Variants in KPNA6 observed in about 807,000 individuals in gnomAD.
KPNA6 encodes karyopherin subunit alpha 6.
A neutral mutation model predicts 72.0 loss-of-function variants in KPNA6; 9 were observed. The observed-to-expected ratio is 0.13, with a 90% confidence interval of 0.08 to 0.22. The LOEUF (loss-of-function observed/expected upper bound fraction) is 0.22. Among genes scored for constraint, KPNA6 ranks in the 10% least tolerant of loss-of-function variants. KPNA6 has a pLI of 1.00. For missense variants in KPNA6, 374 were observed against 655.7 expected, an observed-to-expected ratio of 0.57 and a Z score of 4.69; for synonymous variants, 219 against 242.1, an observed-to-expected ratio of 0.90 and a Z score of 0.89.
intron 1 of KPNA6, among the ~76,000 whole-genome samples, chr1:32,113,792 CAAG>C (rs1240694916): frequency 8.5e-5 from 13 of 152,144 alleles, no homozygotes; most frequent in Admixed American, 8.5e-4. Context: ...GATTCCATCT[CAAG>C]AAACCATTTG....
At chr1:32,169,830 C>T in intron 12 of KPNA6, 52 bp from the exon 13 acceptor site, 2 of 1,515,034 alleles carry the variant, frequency 1.3e-6, no homozygotes, top group Admixed American at 1.8e-5. Flanking sequence ...ACCTGCCCAG[C>T]ACTTCATGTG....
rs745752593 is a variant in KPNA6, at chr1:32,108,072, G to A, written c.-59G>A. On this transcript the variant is annotated 5_prime_UTR_variant, in exon 1 of 14. Coordinates refer to ENST00000373625, the MANE Select transcript of KPNA6 (RefSeq NM_012316.5). ...AGATCCGCCATATTGTCTACTGAAA[G>A]CTGCCGCTGAAGCTGCCGCCGTTGC... 7.7e-4 allele frequency: 1,244 copies of A among 1,613,304 alleles called. No individual in the cohort carries two copies. The highest frequency in any genetic ancestry group is 9.8e-4 in the Non-Finnish European group (1,152 of 1,179,584).
intron 1 of KPNA6, among the ~76,000 whole-genome samples, chr1:32,117,494 A>ATTTT (rs1641349450): frequency 1.3e-5 from 2 of 149,922 alleles, no homozygotes; most frequent in African/African-American, 5.0e-5. Flanking sequence ...TTTTTTTTAA[A>ATTTT]AAAAACACAC....
intron 10 of KPNA6, 70 bp from the exon 11 acceptor site, chr1:32,166,035 A>G: frequency 1.4e-6 from 2 of 1,466,782 alleles, no homozygotes; most frequent in Non-Finnish European, 1.8e-6. Flanking sequence ...AACAACAACA[A>G]CAAAAAAACA....
chr1:32,143,652 A>G (rs535481375), intron 1 of KPNA6, among the ~76,000 whole-genome samples: 1 of 152,228 alleles, frequency 6.6e-6, no homozygotes, highest in East Asian at 1.9e-4. Context: ...AGTGTACAAT[A>G]CAGTGGCATT....
chr1:32,118,652 C>T (rs886380213), intron 1 of KPNA6, among the ~76,000 whole-genome samples: 5 of 151,560 alleles, frequency 3.3e-5, no homozygotes, highest in Non-Finnish European at 5.9e-5. Flanking sequence ...ATTAGTTGGG[C>T]GTGGTGGGAT....
In KPNA6 at chr1:32,159,392, A is replaced by C. The variant is rs926792135; in HGVS notation, c.427-8A>C. 22 of 1,613,378 alleles carry C rather than the reference A, an allele frequency of 1.4e-5. No homozygotes were observed. In the East Asian group the frequency reaches 4.5e-4, roughly 33 times the overall value. ...GACCTTTCAATCATTGCTTAATCTC[A>C]CTTTCAGTTTGAAGCTGCCTGGGCT... is the stretch of plus-strand genomic sequence containing the variant. On this transcript the variant is annotated splice_region_variant and splice_polypyrimidine_tract_variant and intron_variant, in intron 5 of 13. Coordinates refer to ENST00000373625, the MANE Select transcript of KPNA6 (RefSeq NM_012316.5).
chr1:32,155,730 A>G (rs917071362), intron 2 of KPNA6, among the ~76,000 whole-genome samples: 3 of 145,822 alleles, frequency 2.1e-5, no homozygotes, highest in African/African-American at 5.1e-5. Context: ...TTATTTATTT[A>G]TTTATTTATT....
intron 1 of KPNA6, among the ~76,000 whole-genome samples, chr1:32,135,683 G>T (rs1260301300): frequency 6.8e-6 from 1 of 147,648 alleles, no homozygotes; most frequent in Non-Finnish European, 1.5e-5. Flanking sequence ...GCCCAGACTA[G>T]TCTTGACCTC....
rs988305372 is a variant in KPNA6 at position 32,174,855 on chromosome 1, G to T, written c.*3961G>T. On this transcript the variant is annotated 3_prime_UTR_variant, in exon 14 of 14. Transcript: ENST00000373625. ...ATAGAACTACCCTAGAATTTAGTGA[G>T]TGTGAGACTGAGATATTGCTCAGAA... The T allele has an allele frequency of 6.6e-6, 1 of 152,234 alleles. No homozygotes were observed. The highest frequency in any genetic ancestry group is 1.5e-5 in the Non-Finnish European group (1 of 68,044). 9.4% of individuals were successfully genotyped at this position (152,234 alleles called of 1,614,324 possible). A position where few individuals can be genotyped will look rare whatever the true frequency, so the allele number is the denominator to read the frequency against.
At position 32,162,512 on chromosome 1, in the gene KPNA6, T is replaced by C; in HGVS notation, c.899T>C (p.Val300Ala). The C allele has an allele frequency of 1.2e-6, 2 of 1,613,830 alleles. No homozygotes were observed. Among genetic ancestry groups the C allele is most frequent in the Non-Finnish European group, 1.7e-6 (2 of 1,180,006 alleles). The change falls in exon 9 of 14, where the codon GTA becomes GCA. Residue 300 changes from valine to alanine, a missense_variant. Val to Ala is a moderately conservative substitution (Grantham distance 64, BLOSUM62 0). Coordinates refer to ENST00000373625, the MANE Select transcript of KPNA6 (RefSeq NM_012316.5). ...VIDSGVCRRL[V>A]ELLMHNDYKV... Reference sequence around the variant, plus strand: ...GACTCCGGAGTCTGCCGGAGATTGGTAGAGCTGCTGATGTGAGTGGTCTTA... The same window carrying C: ...GACTCCGGAGTCTGCCGGAGATTGGCAGAGCTGCTGATGTGAGTGGTCTTA...
rs71006334 is a variant in KPNA6, at chr1:32,141,375, C to CTTTTTTTTTTTTTTTTTT, written c.5-13190_5-13173dup. Among the ~76,000 whole-genome samples the CTTTTTTTTTTTTTTTTTT allele has an allele frequency of 5.5e-5, 3 of 54,474 alleles. 1 individual carries two copies. The highest frequency in any genetic ancestry group is 1.2e-4 in the Non-Finnish European group (3 of 25,164). 35.7% of individuals were successfully genotyped at this position (54,474 alleles called of 152,430 possible). ...AGGGCTTTTTTTTTTTAAGTTAATCCTTTTTTTTTTTTTTTTTTTTTTTTT... is the reference window on the plus strand; with the variant it reads ...AGGGCTTTTTTTTTTTAAGTTAATCCTTTTTTTTTTTTTTTTTTTTTTTTTTTTTTTTTTTTTTTTTTT... On this transcript the variant is annotated intron_variant, in intron 1 of 13. Transcript: ENST00000373625.
At chr1:32,114,703 C>T (rs1281507273) in intron 1 of KPNA6, among the ~76,000 whole-genome samples, 1 of 152,176 alleles carries the variant, frequency 6.6e-6, no homozygotes, top group African/African-American at 2.4e-5. Context: ...CTATGAAAGT[C>T]CTAGATGACA....
intron 1 of KPNA6, among the ~76,000 whole-genome samples, chr1:32,120,238 TA>T (rs1487729771): frequency 2.0e-5 from 3 of 151,936 alleles, no homozygotes; most frequent in Admixed American, 1.3e-4. Context: ...TGTATTTTTT[TA>T]AATGTTAATT....
chr1:32,118,218 C>T (rs1035162968), intron 1 of KPNA6, among the ~76,000 whole-genome samples: 1 of 152,230 alleles, frequency 6.6e-6, no homozygotes, highest in Non-Finnish European at 1.5e-5. Context: ...GCCACCGTGC[C>T]CAGCCATCTC....
At chr1:32,151,833 G>A (rs1642038621) in intron 1 of KPNA6, among the ~76,000 whole-genome samples, 1 of 152,088 alleles carries the variant, frequency 6.6e-6, no homozygotes, top group African/African-American at 2.4e-5. Context: ...AAAAGAAAAA[G>A]GGCAACAAAG....
intron 1 of KPNA6, among the ~76,000 whole-genome samples, chr1:32,136,975 A>G (rs1379431035): frequency 1.3e-5 from 2 of 152,250 alleles, no homozygotes; most frequent in Non-Finnish European, 2.9e-5. Context: ...GTAGTAGAGG[A>G]GAAAACAAAA....
intron 1 of KPNA6, among the ~76,000 whole-genome samples, chr1:32,153,735 G>A (rs537927835): frequency 4.6e-5 from 7 of 152,280 alleles, no homozygotes; most frequent in Non-Finnish European, 1.0e-4. Flanking sequence ...ACACCCAGTA[G>A]ATTGTCAAAA....
chr1:32,119,178 C>G (rs370138608), intron 1 of KPNA6, among the ~76,000 whole-genome samples: 8 of 150,584 alleles, frequency 5.3e-5, no homozygotes, highest in African/African-American at 2.0e-4. Context: ...TTACAGGCAT[C>G]CACAACCACG....
Sources: allele counts gnomAD v4.1 joint callset (sites outside exome capture counted in the v4.1 genomes callset), GRCh38; gene constraint gnomAD v4.1.1; transcripts MANE v1.5; gene names NCBI Gene and HGNC (gene_info 2026-07-23, HGNC 2026-07-21).